The following PHKB variants were observed in gnomAD, a reference collection of about 807,000 sequenced individuals.
PHKB encodes phosphorylase b kinase regulatory subunit beta.
PHKB carries 122 observed loss-of-function variants against 152.1 expected under a neutral mutation model. That is an observed-to-expected ratio of 0.80 (90% CI 0.69 to 0.93). PHKB has a LOEUF of 0.93. PHKB is among the 40% of genes least tolerant of loss of function. The pLI is 0.00. For synonymous variants in PHKB, 436 were observed against 464.9 expected, an observed-to-expected ratio of 0.94 and a Z score of 0.80; for missense variants, 1,304 against 1,328.4, an observed-to-expected ratio of 0.98 and a Z score of 0.29.
In PHKB at chr16:47,649,105, T is replaced by C; in HGVS notation, c.1698T>C (p.Tyr566=). The change falls in exon 18 of 31, where the codon TAT becomes TAC. Residue 566 remains tyrosine, a synonymous_variant. Coordinates refer to ENST00000323584, the MANE Select transcript of PHKB (RefSeq NM_000293.3). ...PIGCLGTSKI[Y]RILGKTVVCY... ...TAAAACTTTTTCCCTTACAGATTTA[T>C]CGCATTCTAGGAAAGACTGTGGTTT... 1 of 1,578,392 alleles carries C rather than the reference T, an allele frequency of 6.3e-7. No homozygotes were observed. The highest frequency in any genetic ancestry group is 1.1e-5 in the South Asian group (1 of 90,370).
At chr16:47,553,580 G>A (rs1479213992) in intron 7 of PHKB, among the ~76,000 whole-genome samples, 2 of 152,042 alleles carry the variant, frequency 1.3e-5, no homozygotes, top group East Asian at 3.9e-4. Flanking sequence ...TCCCTTGCTG[G>A]CAAGGACTTG....
At position 47,499,743 on chromosome 16, in the gene PHKB, T is replaced by G. The variant is rs1364207528; in HGVS notation, c.167-13T>G. 1.2e-6 allele frequency: 2 copies of G among 1,614,064 alleles called. No individual in the cohort carries two copies. Among genetic ancestry groups the G allele is most frequent in the South Asian group, 2.2e-5 (2 of 91,090 alleles). On this transcript the variant is annotated splice_polypyrimidine_tract_variant and intron_variant, in intron 2 of 30. Transcript: ENST00000323584. ...ACTGTACAGTTCATTCTTTGTCTTG[T>G]CCTCAATTGCAGTCAAGTCAACATT...
intron 1 of PHKB, among the ~76,000 whole-genome samples, chr16:47,477,055 T>C (rs1969881138): frequency 6.6e-6 from 1 of 152,212 alleles, no homozygotes; most frequent in African/African-American, 2.4e-5. Flanking sequence ...TCCCTCTGTA[T>C]TAAATAGCCT....
intron 14 of PHKB, among the ~76,000 whole-genome samples, chr16:47,622,200 C>A (rs1480437835): frequency 6.6e-6 from 1 of 152,034 alleles, no homozygotes; most frequent in Non-Finnish European, 1.5e-5. Context: ...GGAAAGAAAT[C>A]TCAGTTATTC....
rs1973513216 is a variant in PHKB at position 47,664,981 on chromosome 16, A to G, written c.2427+6A>G. 1.3e-6 allele frequency: 2 copies of G among 1,587,504 alleles called. No individual in the cohort carries two copies. The highest frequency in any genetic ancestry group is 1.7e-5 in the Admixed American group (1 of 59,926). On this transcript the variant is annotated splice_donor_region_variant and intron_variant, in intron 25 of 30. Transcript: ENST00000323584. ...TTCTGGTACATGGGAAACAGGTAACATGCACAGAATTTGAAAACCCAAGCT... is the reference window on the plus strand; with the variant it reads ...TTCTGGTACATGGGAAACAGGTAACGTGCACAGAATTTGAAAACCCAAGCT...
chr16:47,603,466 A>C (rs1031107345), intron 13 of PHKB, among the ~76,000 whole-genome samples: 10 of 149,988 alleles, frequency 6.7e-5, no homozygotes. Flanking sequence ...TCACCTGGGA[A>C]GACTTTCTTT....
chr16:47,625,041 TA>T (rs970654425), intron 14 of PHKB, among the ~76,000 whole-genome samples: 55 of 152,344 alleles, frequency 3.6e-4, no homozygotes, highest in African/African-American at 1.3e-3. Flanking sequence ...TCTTCTCTTC[TA>T]AATCCAGTCC....
rs770859279 is a variant in PHKB at position 47,669,236 on chromosome 16, C to G, written c.2449C>G (p.His817Asp). 6.2e-7 allele frequency: 1 copy of G among 1,613,762 alleles called. No individual in the cohort carries two copies. Residue 817 changes from histidine (H) to aspartate (D), a missense_variant, in exon 26 of 31, where the codon CAT becomes GAT. Transcript: ENST00000323584. ...GTAGGTAACTCTGGGTGCCTTTGGG[C>G]ATGAAGAAGAAGTTATCTCTAATCC... ...GKQVTLGAFG[H>D]EEEVISNPLS...
Position 47,503,081 on chromosome 16 carries a change from G to C in PHKB, c.396G>C (p.Gln132His), listed in dbSNP as rs1970350594. 6.3e-7 allele frequency: 1 copy of C among 1,597,724 alleles called. No individual in the cohort carries two copies. The highest frequency in any genetic ancestry group is 8.6e-7 in the Non-Finnish European group (1 of 1,165,022). Residue 132 changes from glutamine to histidine, a missense_variant, in exon 4 of 31, where the codon CAG becomes CAC. Gln to His is a conservative substitution (Grantham distance 24). Coordinates refer to ENST00000323584, the MANE Select transcript of PHKB (RefSeq NM_000293.3). ...MRGILYCYMRQADKVQQFKQD... is the reference protein window; with the variant it reads ...MRGILYCYMRHADKVQQFKQD... Reference sequence around the variant, plus strand: ...GAATTCTCTACTGCTATATGCGTCAGGCCGATAAGGTAAAACATTGTGGTG... The same window carrying C: ...GAATTCTCTACTGCTATATGCGTCACGCCGATAAGGTAAAACATTGTGGTG...
rs140843321 is a variant in PHKB, at chr16:47,536,778, A to T, written c.595-10655A>T. Among the ~76,000 whole-genome samples the T allele has an allele frequency of 3.9e-5, 6 of 152,310 alleles. No individual in the cohort carries two copies. The East Asian group carries it at 1.2e-3, about 29-fold the overall frequency. On this transcript the variant is annotated intron_variant, in intron 6 of 30. Coordinates refer to ENST00000323584, the MANE Select transcript of PHKB (RefSeq NM_000293.3). ...GGCATTTTAGAATTGCAAATAAGAG[A>T]TGGTAGACCTGTGTACTAGTTAGAG...
In PHKB at chr16:47,580,286, C is replaced by T; in HGVS notation, c.711-9C>T. ...TTAGAGTAATAAAGCATTTCCTTTT[C>T]TCTTTTAGCTCGGTTGGTTTAGCAA... On this transcript the variant is annotated splice_polypyrimidine_tract_variant and intron_variant, in intron 7 of 30. Coordinates refer to ENST00000323584, the MANE Select transcript of PHKB (RefSeq NM_000293.3). The T allele has an allele frequency of 6.2e-7, 1 of 1,608,528 alleles. No individual in the cohort carries two copies. The highest frequency in any genetic ancestry group is 8.5e-7 in the Non-Finnish European group (1 of 1,175,190).
intron 14 of PHKB, among the ~76,000 whole-genome samples, chr16:47,635,162 C>T (rs2151723129): frequency 6.6e-6 from 1 of 152,224 alleles, no homozygotes; most frequent in East Asian, 1.9e-4. Context: ...CGTGAATTAG[C>T]AGCACGTCAC....
intron 14 of PHKB, among the ~76,000 whole-genome samples, chr16:47,615,624 T>C (rs1286101528): frequency 1.3e-5 from 2 of 152,254 alleles, no homozygotes; most frequent in Non-Finnish European, 2.9e-5. Context: ...AGCATATGTG[T>C]AGTCTCAAGA....
intron 1 of PHKB, among the ~76,000 whole-genome samples, chr16:47,489,596 T>C (rs1447981484): frequency 2.0e-5 from 3 of 152,214 alleles, no homozygotes; most frequent in Non-Finnish European, 4.4e-5. Flanking sequence ...TCAAATACCC[T>C]GTGAGTTGGG....
At chr16:47,557,261 A>C (rs9797024) in intron 7 of PHKB, among the ~76,000 whole-genome samples, 56,585 of 151,972 alleles carry the variant, frequency 0.37, 12,071 homozygotes, top group East Asian at 0.76. Flanking sequence ...TACACGTTAG[A>C]CCTAAAGCCA....
At chr16:47,478,988 G>T (rs938698966) in intron 1 of PHKB, among the ~76,000 whole-genome samples, 1 of 152,120 alleles carries the variant, frequency 6.6e-6, no homozygotes, top group East Asian at 1.9e-4. Flanking sequence ...TTTGGTGTTG[G>T]TTTTATGCTT....
intron 8 of PHKB, among the ~76,000 whole-genome samples, chr16:47,582,651 C>T (rs750036947): frequency 3.9e-5 from 6 of 152,196 alleles, no homozygotes; most frequent in Non-Finnish European, 5.9e-5. Context: ...CAATCAAGGG[C>T]GAGAACAACT....
chr16:47,660,858 T>C (rs774431842), intron 22 of PHKB, 39 bp downstream of exon 22: 84 of 1,605,062 alleles, frequency 5.2e-5, no homozygotes, highest in Non-Finnish European at 6.3e-5. Flanking sequence ...CTAAGTGAGG[T>C]TGCTGGAGCA....
At chr16:47,669,111 A>G (rs984665189) in intron 25 of PHKB, 104 bp from the exon 26 acceptor site, 4 of 802,766 alleles carry the variant, frequency 5.0e-6, no homozygotes, top group East Asian at 5.2e-5. Context: ...CCTAGCTTAT[A>G]TAGAGTAATT....
Sources: allele counts gnomAD v4.1 joint callset (sites outside exome capture counted in the v4.1 genomes callset), GRCh38; gene constraint gnomAD v4.1.1; transcripts MANE v1.5; gene names NCBI Gene and HGNC (gene_info 2026-07-23, HGNC 2026-07-21).